MIGA2: variants seen among roughly 807,000 people sequenced by gnomAD.
MIGA2 encodes the protein mitoguardin 2.
MIGA2 carries 36 observed loss-of-function variants against 69.9 expected under a neutral mutation model. The ratio of observed to expected loss-of-function variants is 0.52; its 90% CI spans 0.39 to 0.68. The LOEUF (loss-of-function observed/expected upper bound fraction) is 0.68. MIGA2 is among the 30% of genes least tolerant of loss of function. MIGA2 has a pLI of 0.00. For synonymous variants in MIGA2, 333 were observed against 349.2 expected (o/e 0.95, Z 0.52); for missense variants, 660 against 787.7 (o/e 0.84, Z 1.94).
In MIGA2 at chr9:129,063,649, G is replaced by C. The variant is rs759044094; in HGVS notation, c.1170+18G>C. The C allele has an allele frequency of 3.5e-6, 5 of 1,445,762 alleles. No individual in the cohort carries two copies. In the African/African-American group the frequency reaches 5.6e-5, roughly 16 times the overall value. The allele number at this position is 1,445,762 out of a possible 1,614,324, so 89.6% of individuals were successfully genotyped here. A position where few individuals can be genotyped will look rare whatever the true frequency, so the allele number is the denominator to read the frequency against. Reference sequence around the variant, plus strand: ...CTGAGAAGGTAGCAGGGGGTGGGGTGGGGGGGCAAATTATAAAATGCAAAC... The same window carrying C: ...CTGAGAAGGTAGCAGGGGGTGGGGTCGGGGGGCAAATTATAAAATGCAAAC... On this transcript the variant is annotated intron_variant, in intron 11 of 15. Coordinates refer to ENST00000684074, the MANE Select transcript of MIGA2 (RefSeq NM_001329990.2).
At position 129,042,252 on chromosome 9, in the gene MIGA2, C is replaced by G. The variant is rs374454835; in HGVS notation, c.97-52C>G. ...AGGTGCTCTGGGGCGGTCCTGCTGCCTTGGACCTTCCCCAGGGAGGTGTAA... is the reference window on the plus strand; with the variant it reads ...AGGTGCTCTGGGGCGGTCCTGCTGCGTTGGACCTTCCCCAGGGAGGTGTAA... On this transcript the variant is annotated intron_variant, in intron 2 of 15. Coordinates refer to ENST00000684074, the MANE Select transcript of MIGA2 (RefSeq NM_001329990.2). The G allele has an allele frequency of 5.7e-4, 915 of 1,593,142 alleles. 7 individuals carry two copies. In the South Asian group the frequency reaches 9.3e-3, roughly 16 times the overall value.
intron 6 of MIGA2, 52 bp downstream of exon 6, chr9:129,050,015 A>G (rs1588384218): frequency 1.9e-6 from 3 of 1,569,130 alleles, no homozygotes; most frequent in African/African-American, 1.4e-5. Context: ...TTGGCAGCAC[A>G]GGAGAGGGGC....
At chr9:129,050,378 G>A (rs557255784) in intron 6 of MIGA2, among the ~76,000 whole-genome samples, 4 of 152,202 alleles carry the variant, frequency 2.6e-5, no homozygotes, top group Non-Finnish European at 5.9e-5. Flanking sequence ...AGGTTCAAGC[G>A]ATTCTCCTGC....
intron 2 of MIGA2, 162 bp from the exon 3 acceptor site, chr9:129,042,142 C>T: frequency 1.5e-6 from 1 of 658,934 alleles, no homozygotes; most frequent in Non-Finnish European, 2.7e-6. Flanking sequence ...GGAGGCTGGT[C>T]AACTTCCCCG....
intron 6 of MIGA2, among the ~76,000 whole-genome samples, chr9:129,057,076 C>T (rs1845835438): frequency 6.6e-6 from 1 of 151,928 alleles, no homozygotes; most frequent in African/African-American, 2.4e-5. Flanking sequence ...AAAATCCTGA[C>T]TGCATTTGCA....
rs904840134 is a variant in MIGA2 at position 129,059,351 on chromosome 9, C to T, written c.793+80C>T. 1.3e-5 allele frequency: 15 copies of T among 1,148,442 alleles called. No homozygotes were observed. The highest frequency in any genetic ancestry group is 6.1e-5 in the African/African-American group (4 of 65,258). The allele number at this position is 1,148,442 out of a possible 1,614,324, so 71.1% of individuals were successfully genotyped here. A position where few individuals can be genotyped will look rare whatever the true frequency, so the allele number is the denominator to read the frequency against. On this transcript the variant is annotated intron_variant, in intron 7 of 15. Coordinates refer to ENST00000684074, the MANE Select transcript of MIGA2 (RefSeq NM_001329990.2). This position sits in a 1 kb window ranked among gnomAD's most constrained non-coding sequence, Gnocchi z 5.6. ...TGAGGAGAAGTTGCGAGAACCGGGT[C>T]GTGGTTCTCTCAGTGCGTCCAATGA... is the stretch of plus-strand genomic sequence containing the variant.
In MIGA2 at chr9:129,069,844, C is replaced by T. The variant is rs566508886; in HGVS notation, c.1459-5C>T. 13 of 1,610,198 alleles carry T rather than the reference C, an allele frequency of 8.1e-6. No individual in the cohort carries two copies. The highest frequency in any genetic ancestry group is 5.0e-5 in the Admixed American group (3 of 60,022). On this transcript the variant is annotated splice_region_variant and splice_polypyrimidine_tract_variant and intron_variant, in intron 14 of 15. Coordinates refer to ENST00000684074, the MANE Select transcript of MIGA2 (RefSeq NM_001329990.2). The surrounding 1 kb of genome is among the most constrained non-coding windows in gnomAD (Gnocchi z 4.9). Reference sequence around the variant, plus strand: ...CCTGGCCCCTCAGCCTTGTGCCCACCGCAGGTGCCTGATGGCTTCATCTCC... The same window carrying T: ...CCTGGCCCCTCAGCCTTGTGCCCACTGCAGGTGCCTGATGGCTTCATCTCC...
At chr9:129,052,957 G>C (rs1845624846) in intron 6 of MIGA2, among the ~76,000 whole-genome samples, 1 of 152,212 alleles carries the variant, frequency 6.6e-6, no homozygotes, top group Non-Finnish European at 1.5e-5. Flanking sequence ...AAGGGAGGTA[G>C]CTTTATTTCC....
chr9:129,051,020 C>A (rs1465515768), intron 6 of MIGA2, among the ~76,000 whole-genome samples: 1 of 150,770 alleles, frequency 6.6e-6, no homozygotes, highest in African/African-American at 2.4e-5. Context: ...ATTATAGGCG[C>A]ATGCCACCCC....
intron 9 of MIGA2, among the ~76,000 whole-genome samples, chr9:129,062,618 C>G (rs976348590): frequency 1.3e-5 from 2 of 151,496 alleles, no homozygotes; most frequent in African/African-American, 4.9e-5. Context: ...CCAAAGCAGG[C>G]AGATCACTTG....
In MIGA2 at chr9:129,048,467, C is replaced by T. The variant is rs1251420803; in HGVS notation, c.348C>T (p.Ser116=). 1.9e-6 allele frequency: 3 copies of T among 1,614,104 alleles called. No homozygotes were observed. The South Asian group carries it at 3.3e-5, about 18-fold the overall frequency. ...SRRVQSPSSK[S]NDTLSGISSI... is the part of the protein sequence containing the mutation. Reference sequence around the variant, plus strand: ...GAGTCCAGAGCCCCAGCAGCAAGAGCAACGACACCCTGAGTGGCATCTCTT... The same window carrying T: ...GAGTCCAGAGCCCCAGCAGCAAGAGTAACGACACCCTGAGTGGCATCTCTT... Residue 116 remains serine, a synonymous_variant, in exon 4 of 16, where the codon AGC becomes AGT. Coordinates refer to ENST00000684074, the MANE Select transcript of MIGA2 (RefSeq NM_001329990.2).
At chr9:129,045,894 G>T (rs369442827) in intron 3 of MIGA2, among the ~76,000 whole-genome samples, 1 of 147,776 alleles carries the variant, frequency 6.8e-6, no homozygotes. Context: ...TTGCTCTGTC[G>T]CCAGGCTGGA....
chr9:129,070,026 A>G, intron 15 of MIGA2, 61 bp downstream of exon 15: 1 of 1,408,194 alleles, frequency 7.1e-7, no homozygotes, highest in Non-Finnish European at 9.7e-7. Flanking sequence ...GCGCCCTGGG[A>G]GGTGCCAGGA....
chr9:129,043,340 C>T (rs1202225754), intron 3 of MIGA2, among the ~76,000 whole-genome samples: 1 of 151,672 alleles, frequency 6.6e-6, no homozygotes, highest in Non-Finnish European at 1.5e-5. Context: ...TGAGTTCACT[C>T]AGTCGATTGC....
At chr9:129,058,419 AAG>A (rs1420817042) in intron 6 of MIGA2, among the ~76,000 whole-genome samples, 2 of 151,248 alleles carry the variant, frequency 1.3e-5, no homozygotes, top group Non-Finnish European at 2.9e-5. Flanking sequence ...AAAAAAAAAA[AAG>A]TTTTTTATGT....
Position 129,068,396 on chromosome 9 carries a change from C to T in MIGA2, c.1404+64C>T. ...CATCAGCCCGTGTGGTTGCCTGGCT[C>T]CGTCCCCTCTGTCCCTAGCACTGGC... is the stretch of plus-strand genomic sequence containing the variant. On this transcript the variant is annotated intron_variant, in intron 13 of 15. Transcript: ENST00000684074. The surrounding 1 kb of genome is among the most constrained non-coding windows in gnomAD (Gnocchi z 4.1). 1.3e-6 allele frequency: 2 copies of T among 1,588,606 alleles called. No individual in the cohort carries two copies. Among genetic ancestry groups the T allele is most frequent in the Non-Finnish European group, 1.7e-6 (2 of 1,174,532 alleles).
intron 2 of MIGA2, among the ~76,000 whole-genome samples, 186 bp downstream of exon 2, chr9:129,040,876 CTT>C (rs375570795): frequency 1.3e-5 from 2 of 149,972 alleles, no homozygotes. Flanking sequence ...TATACGAACT[CTT>C]TTTTTTTTAA....
At chr9:129,036,832 C>A in intron 1 of MIGA2, 151 bp downstream of exon 1, 1 of 550,722 alleles carries the variant, frequency 1.8e-6, no homozygotes, top group Non-Finnish European at 2.4e-6. Flanking sequence ...GGGCCGGGGA[C>A]GGTGCGAGAG....
At chr9:129,066,836 C>T (rs1274439820) in intron 11 of MIGA2, among the ~76,000 whole-genome samples, 18 of 143,738 alleles carry the variant, frequency 1.3e-4, no homozygotes, top group Admixed American at 2.8e-4. Flanking sequence ...TGGCGGGCAC[C>T]TGTAGTCCCA....
Sources: gnomAD v4.1 joint callset for allele counts (sites outside exome capture counted in the v4.1 genomes callset) on GRCh38, gnomAD v4.1.1 for gene constraint, Gnocchi (gnomAD v3.1) non-coding constraint, MANE v1.5 for transcripts, NCBI Gene and HGNC (gene_info 2026-07-23, HGNC 2026-07-21) for gene names.